Variants in PIK3R6 observed in about 807,000 individuals in gnomAD.
PIK3R6 encodes the protein phosphoinositide-3-kinase regulatory subunit 6.
A neutral mutation model predicts 84.9 loss-of-function variants in PIK3R6; 91 were observed. The ratio of observed to expected loss-of-function variants is 1.07; its 90% CI spans 0.90 to 1.28. The LOEUF is 1.28. PIK3R6 is among the 50% of genes most tolerant of loss of function. The probability of loss-of-function intolerance (pLI) is 0.00; values close to 1 mark genes in which losing one functional copy is unlikely to be tolerated. For missense variants in PIK3R6, 996 were observed against 985.1 expected, an observed-to-expected ratio of 1.01 and a Z score of -0.15; for synonymous variants, 416 against 411.4, an observed-to-expected ratio of 1.01 and a Z score of -0.13.
In PIK3R6 at chr17:8,839,635, G is replaced by A. The variant is rs774180337; in HGVS notation, c.76C>T (p.Pro26Ser). The A allele has an allele frequency of 2.4e-5, 38 of 1,575,886 alleles. No individual in the cohort carries two copies. The Admixed American group carries it at 3.7e-4, about 15-fold the overall frequency. ...AVLRELSTQA[P>S]ALQSNQGMWR... is the part of the protein sequence containing the mutation. ...TTACCTTGGTTGCTCTGCAGGGCAG[G>A]GGCCTGGGTGCTGAGCTCCCGGAGC... The change falls in exon 3 of 20, where the codon CCT becomes TCT. Residue 26 changes from proline (P) to serine (S), a missense_variant. Pro to Ser is a moderately conservative substitution (Grantham distance 74, BLOSUM62 -1). Coordinates refer to ENST00000619866, the MANE Select transcript of PIK3R6 (RefSeq NM_001010855.4). This position sits in a 1 kb window ranked among gnomAD's most constrained non-coding sequence, Gnocchi z 4.2.
At chr17:8,824,571 T>C (rs1226538345) in intron 13 of PIK3R6, among the ~76,000 whole-genome samples, 2 of 152,194 alleles carry the variant, frequency 1.3e-5, no homozygotes, top group African/African-American at 4.8e-5. Flanking sequence ...ATTGCTCACA[T>C]TGTTTCTGGT....
chr17:8,847,336 C>T (rs187985623), intron 2 of PIK3R6, among the ~76,000 whole-genome samples: 4 of 152,286 alleles, frequency 2.6e-5, no homozygotes, highest in African/African-American at 9.6e-5. Flanking sequence ...TTTGGAAAAC[C>T]TTTGCAATCT....
chr17:8,860,284 T>C (rs1010096791), intron 1 of PIK3R6, among the ~76,000 whole-genome samples: 1 of 146,402 alleles, frequency 6.8e-6, no homozygotes, highest in African/African-American at 2.7e-5. Context: ...CTCCGCCTCC[T>C]GGGGCGGGGG....
intron 13 of PIK3R6, among the ~76,000 whole-genome samples, chr17:8,825,972 G>A (rs1053271608): frequency 6.6e-6 from 1 of 152,196 alleles, no homozygotes; most frequent in Non-Finnish European, 1.5e-5. Flanking sequence ...TAAAAGATGA[G>A]TTCCCTCCCC....
intron 18 of PIK3R6, among the ~76,000 whole-genome samples, chr17:8,805,865 C>T (rs189176255): frequency 4.0e-4 from 61 of 151,612 alleles, no homozygotes; most frequent in Non-Finnish European, 3.7e-4. Flanking sequence ...TTGCAGTGAG[C>T]TGAGATTGCA....
chr17:8,827,153 T>A lies in PIK3R6; in HGVS notation c.1515+19A>T. ...CTCCCGTCCCTCTCTCCCTCCCTGGTACCCTCACCCTCCCCTACCATCTCA... is the reference window on the plus strand; with the variant it reads ...CTCCCGTCCCTCTCTCCCTCCCTGGAACCCTCACCCTCCCCTACCATCTCA... On this transcript the variant is annotated intron_variant, in intron 13 of 19. Coordinates refer to ENST00000619866, the MANE Select transcript of PIK3R6 (RefSeq NM_001010855.4). The A allele has an allele frequency of 6.2e-7, 1 of 1,611,190 alleles. No homozygotes were observed. The highest frequency in any genetic ancestry group is 8.5e-7 in the Non-Finnish European group (1 of 1,178,528).
rs1480266229 is a variant in PIK3R6 at position 8,818,181 on chromosome 17, C to T, written c.1995+902G>A. ...TGGCCACCTGGGCATACAGACTAAG[C>T]AGGTGGCTTGACCTAAATCGGTGCG... On this transcript the variant is annotated intron_variant, in intron 18 of 19. Coordinates refer to ENST00000619866, the MANE Select transcript of PIK3R6 (RefSeq NM_001010855.4). 2.0e-5 allele frequency among the ~76,000 whole-genome samples: 3 copies of T among 152,204 alleles called. No homozygotes were observed. In the East Asian group the frequency reaches 5.8e-4, roughly 29 times the overall value.
chr17:8,849,324 C>T (rs1337002879), intron 2 of PIK3R6, among the ~76,000 whole-genome samples: 1 of 152,196 alleles, frequency 6.6e-6, no homozygotes, highest in Non-Finnish European at 1.5e-5. Context: ...CTGATTTGAC[C>T]ACTCAATAGC....
At chr17:8,822,426 T>A (rs897461790) in intron 16 of PIK3R6, among the ~76,000 whole-genome samples, 161 bp downstream of exon 16, 5 of 152,048 alleles carry the variant, frequency 3.3e-5, no homozygotes, top group African/African-American at 1.2e-4. Flanking sequence ...AACCCACCCA[T>A]CCCTGCAAAA....
At chr17:8,829,577 G>T (rs1341426949) in intron 10 of PIK3R6, 129 bp downstream of exon 10, 3 of 916,644 alleles carry the variant, frequency 3.3e-6, no homozygotes, top group East Asian at 3.0e-5. Context: ...TACACACACA[G>T]ACACACTGAC....
At chr17:8,824,931 T>G (rs1206142876) in intron 13 of PIK3R6, among the ~76,000 whole-genome samples, 3 of 152,156 alleles carry the variant, frequency 2.0e-5, no homozygotes, top group Admixed American at 1.3e-4. Flanking sequence ...CTCAGTACAG[T>G]GACAAGTTAA....
At chr17:8,820,025 C>A (rs1218438900) in intron 17 of PIK3R6, among the ~76,000 whole-genome samples, 2 of 149,982 alleles carry the variant, frequency 1.3e-5, no homozygotes, top group Admixed American at 6.7e-5. Flanking sequence ...TCGGTCACTG[C>A]AACCTCTGCC....
In PIK3R6 at chr17:8,827,187, G is replaced by T. The variant is rs752639779; in HGVS notation, c.1500C>A (p.His500Gln). 4 of 1,612,730 alleles carry T rather than the reference G, an allele frequency of 2.5e-6. No homozygotes were observed. The highest frequency in any genetic ancestry group is 3.4e-6 in the Non-Finnish European group (4 of 1,179,368). ...CCTCCCCTACCATCTCAGCCAGCTT[G>T]TGGATGGCGGGGCACAGCGTGTTGA... is the stretch of plus-strand genomic sequence containing the variant. Reference protein sequence around the residue: ...SNVNTLCPAIHKLAEMPPSLD... With the variant: ...SNVNTLCPAIQKLAEMPPSLD... The change falls in exon 13 of 20, where the codon CAC becomes CAA. Residue 500 changes from histidine to glutamine, a missense_variant. Transcript: ENST00000619866.
intron 17 of PIK3R6, among the ~76,000 whole-genome samples, chr17:8,820,415 T>A (rs1429904128): frequency 6.9e-6 from 1 of 145,228 alleles, no homozygotes; most frequent in East Asian, 2.2e-4. Flanking sequence ...ATCTCCATTT[T>A]AGAAAAAAAA....
chr17:8,852,535 C>T (rs915430658), intron 1 of PIK3R6, among the ~76,000 whole-genome samples: 2 of 151,800 alleles, frequency 1.3e-5, no homozygotes, highest in East Asian at 1.9e-4. Flanking sequence ...GTCAAGAGTT[C>T]GAGACCAGCC....
At chr17:8,846,606 T>A (rs756372608) in intron 2 of PIK3R6, among the ~76,000 whole-genome samples, 40 of 152,178 alleles carry the variant, frequency 2.6e-4, no homozygotes, top group Non-Finnish European at 2.9e-5. Context: ...TTGGAATAGT[T>A]TTCCATTTGT....
intron 18 of PIK3R6, among the ~76,000 whole-genome samples, chr17:8,805,694 T>A (rs774156303): frequency 2.3e-4 from 35 of 152,096 alleles, no homozygotes; most frequent in Middle Eastern, 3.4e-3. Flanking sequence ...GGTGGGCAGA[T>A]CCCCTGAGGT....
Position 8,849,764 on chromosome 17 carries a change from T to C in PIK3R6, c.13+18A>G. On this transcript the variant is annotated intron_variant, in intron 2 of 19. Coordinates refer to ENST00000619866, the MANE Select transcript of PIK3R6 (RefSeq NM_001010855.4). Reference sequence around the variant, plus strand: ...CGGCAGCAGGCTCACTAGACCCCTTTCCCCCCACCACACTGACCTGAGCTC... The same window carrying C: ...CGGCAGCAGGCTCACTAGACCCCTTCCCCCCCACCACACTGACCTGAGCTC... 6.2e-7 allele frequency: 1 copy of C among 1,610,184 alleles called. No homozygotes were observed.
rs151200759 is a variant in PIK3R6 at position 8,828,832 on chromosome 17, C to A, written c.1048G>T (p.Ala350Ser). ...CTGCCGGGTGCAGGCAGCTCATCAGCCCCCGTGGGAAGGTCCCGCTCAATG... is the reference window on the plus strand; with the variant it reads ...CTGCCGGGTGCAGGCAGCTCATCAGACCCCGTGGGAAGGTCCCGCTCAATG... ...SGIERDLPTG[A>S]DELPAPGSPE... Residue 350 changes from alanine to serine, a missense_variant, in exon 11 of 20, where the codon GCT becomes TCT. Physicochemically the swap from Ala to Ser is moderately conservative, Grantham distance 99. Coordinates refer to ENST00000619866, the MANE Select transcript of PIK3R6 (RefSeq NM_001010855.4). The A allele has an allele frequency of 6.9e-3, 11,064 of 1,594,626 alleles. 67 individuals are homozygous for A. Among genetic ancestry groups the A allele is most frequent in the Middle Eastern group, 0.026 (156 of 5,954 alleles).
Sources: allele counts gnomAD v4.1 joint callset (sites outside exome capture counted in the v4.1 genomes callset), GRCh38; gene constraint gnomAD v4.1.1; non-coding constraint Gnocchi (gnomAD v3.1); transcripts MANE v1.5; gene names NCBI Gene and HGNC (gene_info 2026-07-23, HGNC 2026-07-21).